MTUS2: variants seen among roughly 807,000 people sequenced by gnomAD.
MTUS2 encodes microtubule-associated tumor suppressor candidate 2.
A neutral mutation model predicts 114.1 loss-of-function variants in MTUS2; 40 were observed. The observed-to-expected ratio is 0.35, with a 90% CI of 0.27 to 0.46. The LOEUF is 0.46. Ranked by LOEUF, MTUS2 falls within the 20% of genes least tolerant of loss-of-function variation. The pLI is 1.00. For synonymous variants in MTUS2, 688 were observed against 672.0 expected, an observed-to-expected ratio of 1.02 and a Z score of -0.37; for missense variants, 1,679 against 1,705.4, an observed-to-expected ratio of 0.98 and a Z score of 0.27.
rs114002731 is a variant in MTUS2 at position 29,281,383 on chromosome 13, C to T, written c.2645-321C>T. 3.3e-3 allele frequency among the ~76,000 whole-genome samples: 500 copies of T among 151,294 alleles called. 2 individuals are homozygous for T. Among genetic ancestry groups the T allele is most frequent in the African/African-American group, 0.011 (457 of 41,162 alleles). ...ACATACATTTGCACATACACATAAG[C>T]GAACTGTGTGTGTGTGTGCATGTAT... On this transcript the variant is annotated intron_variant, in intron 5 of 15. Coordinates refer to ENST00000612955, the MANE Select transcript of MTUS2 (RefSeq NM_001033602.4).
intron 8 of MTUS2, among the ~76,000 whole-genome samples, chr13:29,365,510 T>TTGTG (rs56164752): frequency 7.5e-5 from 11 of 146,818 alleles, no homozygotes; most frequent in East Asian, 2.0e-4. Context: ...TTGTTTGGGT[T>TTGTG]TGTGTGTGTG....
At chr13:29,492,368 G>A (rs576398289) in intron 11 of MTUS2, among the ~76,000 whole-genome samples, 2 of 151,956 alleles carry the variant, frequency 1.3e-5, no homozygotes, top group Non-Finnish European at 1.5e-5. Context: ...TTGCGTGTGT[G>A]TGTAGTGTGT....
At chr13:28,987,634 G>T (rs1043890299) in intron 2 of MTUS2, among the ~76,000 whole-genome samples, 1 of 152,130 alleles carries the variant, frequency 6.6e-6, no homozygotes, top group Non-Finnish European at 1.5e-5. Flanking sequence ...GCCTGGAGGG[G>T]GCCACCACCA....
chr13:29,425,284 G>A (rs57445885), intron 8 of MTUS2, among the ~76,000 whole-genome samples: 2,163 of 152,060 alleles, frequency 0.014, 52 homozygotes, highest in African/African-American at 0.048. Flanking sequence ...GTGATGGCAC[G>A]CACCTGTAAT....
intron 5 of MTUS2, among the ~76,000 whole-genome samples, chr13:29,127,714 C>T (rs1300974895): frequency 1.3e-5 from 2 of 152,234 alleles, no homozygotes; most frequent in African/African-American, 4.8e-5. Flanking sequence ...TCACAGCTTG[C>T]ACATGGCTGC....
rs939820513 is a variant in MTUS2, at chr13:28,850,704, T to C, written c.-243+10854T>C. Among the ~76,000 whole-genome samples the C allele has an allele frequency of 2.0e-5, 3 of 152,248 alleles. No individual in the cohort carries two copies. The East Asian group carries it at 5.8e-4, about 29-fold the overall frequency. On this transcript the variant is annotated intron_variant, in intron 2 of 15. Transcript: ENST00000612955. ...TTGTGCAGGATGTCTTAAGGATGTC[T>C]CTAAACCATCCTGGAGACTGGTCTT...
rs986254854 is a variant in MTUS2 at position 29,332,353 on chromosome 13, G to A, written c.2905+7642G>A. 9.9e-5 allele frequency among the ~76,000 whole-genome samples: 15 copies of A among 152,214 alleles called. No homozygotes were observed. In the South Asian group the frequency reaches 2.3e-3, roughly 23 times the overall value. On this transcript the variant is annotated intron_variant, in intron 7 of 15. Transcript: ENST00000612955. ...TTTTCAAGTTTATTTGAGTAGAGGTGTTTATAGTATTCTCGGATGGTAGTT... is the reference window on the plus strand; with the variant it reads ...TTTTCAAGTTTATTTGAGTAGAGGTATTTATAGTATTCTCGGATGGTAGTT...
chr13:29,026,302 C>T lies in MTUS2; in HGVS notation c.1604C>T (p.Pro535Leu). The T allele has an allele frequency of 3.7e-6, 6 of 1,613,970 alleles. No individual in the cohort carries two copies. Among genetic ancestry groups the T allele is most frequent in the Non-Finnish European group, 5.1e-6 (6 of 1,179,880 alleles). The change falls in exon 3 of 16, where the codon CCC becomes CTC. Residue 535 changes from proline (P) to leucine (L), a missense_variant. Physicochemically the swap from Pro to Leu is moderately conservative, Grantham distance 98. Coordinates refer to ENST00000612955, the MANE Select transcript of MTUS2 (RefSeq NM_001033602.4). ...GATTCAGTTCTCAATATTCCAGCAC[C>T]CCTCCACCCAGAGACAACTGTGAAC... Reference protein sequence around the residue: ...RADSVLNIPAPLHPETTVNMT... With the variant: ...RADSVLNIPALLHPETTVNMT...
intron 7 of MTUS2, among the ~76,000 whole-genome samples, chr13:29,357,932 T>C (rs1001670348): frequency 2.0e-5 from 3 of 152,184 alleles, no homozygotes; most frequent in Non-Finnish European, 4.4e-5. Flanking sequence ...ATGAGGCCAC[T>C]TGCACGTTCA....
chr13:28,903,362 A>G (rs1425523811), intron 2 of MTUS2, among the ~76,000 whole-genome samples: 3 of 151,146 alleles, frequency 2.0e-5, no homozygotes, highest in African/African-American at 7.3e-5. Context: ...TGCTGCACCC[A>G]GTAACTCATC....
chr13:28,894,327 A>C (rs1409633984), intron 2 of MTUS2, among the ~76,000 whole-genome samples: 1 of 7,724 alleles, frequency 1.3e-4, no homozygotes, highest in African/African-American at 6.5e-4. Flanking sequence ...GGAGGGAGGG[A>C]GGGAGAGAGA....
intron 5 of MTUS2, among the ~76,000 whole-genome samples, chr13:29,122,292 A>G (rs1891341705): frequency 6.6e-6 from 1 of 152,164 alleles, no homozygotes; most frequent in Non-Finnish European, 1.5e-5. Context: ...CTATGAAGAA[A>G]TACCCAAGAC....
At chr13:28,909,563 C>T (rs1039538209) in intron 2 of MTUS2, among the ~76,000 whole-genome samples, 27 of 152,186 alleles carry the variant, frequency 1.8e-4, no homozygotes, top group Admixed American at 7.2e-4. Flanking sequence ...AGAAACCCAC[C>T]GCCAATATCA....
At chr13:29,184,450 G>GT (rs1894137714) in intron 5 of MTUS2, among the ~76,000 whole-genome samples, 1 of 152,118 alleles carries the variant, frequency 6.6e-6, no homozygotes, top group East Asian at 1.9e-4. Flanking sequence ...CTATATTCAT[G>GT]TTCATGGAAG....
chr13:29,246,143 A>G (rs974488029), intron 5 of MTUS2, among the ~76,000 whole-genome samples: 3 of 152,250 alleles, frequency 2.0e-5, no homozygotes, highest in Admixed American at 2.0e-4. Flanking sequence ...TCAGTAAATA[A>G]TAGCAGAAGT....
At chr13:29,131,714 C>T (rs148075919) in intron 5 of MTUS2, among the ~76,000 whole-genome samples, 10 of 152,374 alleles carry the variant, frequency 6.6e-5, no homozygotes, top group African/African-American at 1.9e-4. Context: ...TGCTCACCTC[C>T]ACTTGGCTTA....
chr13:28,839,380 A>T (rs1875319197), intron 1 of MTUS2, among the ~76,000 whole-genome samples: 1 of 152,204 alleles, frequency 6.6e-6, no homozygotes, highest in South Asian at 2.1e-4. Context: ...AATGGACGTG[A>T]TTATTCATAT....
chr13:29,470,337 C>T (rs1016442147), intron 9 of MTUS2, among the ~76,000 whole-genome samples: 1 of 152,156 alleles, frequency 6.6e-6, no homozygotes, highest in Non-Finnish European at 1.5e-5. Flanking sequence ...CCTCTAACAT[C>T]CAGAAACGCC....
chr13:29,036,141 CA>C (rs397851632), intron 4 of MTUS2, among the ~76,000 whole-genome samples: 7 of 31,666 alleles, frequency 2.2e-4, no homozygotes, highest in African/African-American at 4.4e-4. Context: ...GAGACTGTCT[CA>C]AAAAAAAAAA....
Sources: gnomAD v4.1 joint callset for allele counts (sites outside exome capture counted in the v4.1 genomes callset) on GRCh38, gnomAD v4.1.1 for gene constraint, MANE v1.5 for transcripts, NCBI Gene and HGNC (gene_info 2026-07-23, HGNC 2026-07-21) for gene names.